Variants in NEDD9 observed in about 807,000 individuals in gnomAD.
NEDD9 encodes enhancer of filamentation 1.
NEDD9 carries 26 observed loss-of-function variants against 76.6 expected under a neutral mutation model. The observed-to-expected ratio is 0.34, with a 90% CI of 0.25 to 0.47. The LOEUF (loss-of-function observed/expected upper bound fraction) is 0.47, where lower values mean the gene tolerates loss of function less well. NEDD9 is among the 20% of genes least tolerant of loss of function. The probability of loss-of-function intolerance (pLI) is 1.00; values close to 1 mark genes in which losing one functional copy is unlikely to be tolerated. For synonymous variants in NEDD9, 392 were observed against 414.2 expected (o/e 0.95, Z 0.65); for missense variants, 937 against 1,058.5 (o/e 0.89, Z 1.59).
intron 3 of NEDD9, among the ~76,000 whole-genome samples, chr6:11,261,365 C>T (rs544798392): frequency 2.2e-4 from 34 of 152,264 alleles, no homozygotes; most frequent in Non-Finnish European, 4.1e-4. Context: ...TTCTGCAGAA[C>T]CACAATTAGA....
chr6:11,267,907 G>A (rs747564702), intron 3 of NEDD9, among the ~76,000 whole-genome samples: 3 of 152,014 alleles, frequency 2.0e-5, no homozygotes, highest in Non-Finnish European at 4.4e-5. Context: ...AAGTAAAAGG[G>A]GGCACCAAAC....
intron 2 of NEDD9, among the ~76,000 whole-genome samples, chr6:11,308,579 C>T (rs561063608): frequency 6.6e-6 from 1 of 152,096 alleles, no homozygotes; most frequent in East Asian, 1.9e-4. Flanking sequence ...TCGTGTTAGC[C>T]AGGATGGTCT....
intron 3 of NEDD9, among the ~76,000 whole-genome samples, chr6:11,269,254 T>C (rs1301908128): frequency 6.6e-6 from 1 of 152,242 alleles, no homozygotes; most frequent in Non-Finnish European, 1.5e-5. Context: ...TTCTCTGGTG[T>C]CTTAGGCTAT....
intron 3 of NEDD9, among the ~76,000 whole-genome samples, chr6:11,282,519 G>A (rs188893485): frequency 1.3e-5 from 2 of 152,308 alleles, no homozygotes; most frequent in Admixed American, 1.3e-4. Flanking sequence ...ATATCTCATA[G>A]ACAATGCCAA....
At chr6:11,311,604 C>T (rs1286168567) in intron 2 of NEDD9, among the ~76,000 whole-genome samples, 1 of 152,152 alleles carries the variant, frequency 6.6e-6, no homozygotes, top group East Asian at 1.9e-4. Flanking sequence ...AAAGGAGATA[C>T]AGGAGCACTT....
At chr6:11,328,989 T>C (rs1204607905) in intron 2 of NEDD9, 2 of 152,262 alleles carry the variant, frequency 1.3e-5, no homozygotes, top group Non-Finnish European at 2.9e-5. Context: ...GTTTGAGCCT[T>C]TTAAGTCTTC....
intron 2 of NEDD9, among the ~76,000 whole-genome samples, chr6:11,196,171 G>A (rs761234024): frequency 6.6e-6 from 1 of 151,164 alleles, no homozygotes; most frequent in Non-Finnish European, 1.5e-5. Context: ...AGGTGTGGTG[G>A]TGGGCGCCTG....
At position 11,318,014 on chromosome 6, in the gene NEDD9, G is replaced by A. The variant is rs147752474; in HGVS notation, c.-152-11859C>T. The stretch of plus-strand genomic sequence containing the variant: ...AAGAGAGAAATCCTCCTGCTTGGTC[G>A]TCTTTGAACTAGAACATTGGCTTTT... On this transcript the variant is annotated intron_variant, in intron 2 of 3. Transcript: ENST00000397378. Among the ~76,000 whole-genome samples, 75 of 152,320 alleles carry A rather than the reference G, an allele frequency of 4.9e-4. 1 individual carries two copies. The highest frequency in any genetic ancestry group is 1.7e-3 in the South Asian group (8 of 4,828).
intron 1 of NEDD9, among the ~76,000 whole-genome samples, chr6:11,216,090 A>G (rs1363298953): frequency 1.3e-5 from 2 of 152,196 alleles, no homozygotes; most frequent in African/African-American, 2.4e-5. Flanking sequence ...TCTTGGGGGA[A>G]ACTCTCAGAG....
rs770035932 is a variant in NEDD9, at chr6:11,190,816, G to A, written c.1053C>T (p.Asn351=). ...RDGVYDVPLH[N]PPDAKGSRDL... ...CCCGAGAGCCTTTAGCATCTGGCGG[G>A]TTATGCAGAGGGACATCATAAACAC... is the stretch of plus-strand genomic sequence containing the variant. The change falls in exon 5 of 7, where the codon AAC becomes AAT. Residue 351 remains asparagine, a synonymous_variant. Transcript: ENST00000379446. This position sits in a 1 kb window ranked among gnomAD's most constrained non-coding sequence, Gnocchi z 5.8. 2 of 1,614,168 alleles carry A rather than the reference G, an allele frequency of 1.2e-6. No homozygotes were observed. The highest frequency in any genetic ancestry group is 1.3e-5 in the African/African-American group (1 of 75,036).
intron 1 of NEDD9, among the ~76,000 whole-genome samples, chr6:11,346,938 C>G (rs1366519118): frequency 9.9e-5 from 15 of 152,120 alleles, no homozygotes; most frequent in Non-Finnish European, 2.2e-4. Context: ...CTCCTGTTAC[C>G]TGCTCCCCAA....
chr6:11,305,789 T>C (rs968720846), intron 3 of NEDD9: 3 of 609,662 alleles, frequency 4.9e-6, no homozygotes, highest in Non-Finnish European at 8.8e-6. Context: ...TAGGATGCCC[T>C]GTGGGCATCA....
At chr6:11,379,333 A>C (rs1010663872) in intron 1 of NEDD9, among the ~76,000 whole-genome samples, 37 of 152,176 alleles carry the variant, frequency 2.4e-4, no homozygotes, top group Non-Finnish European at 4.4e-4. Flanking sequence ...CATGCCTGTA[A>C]TCCCAGCACT....
intron 2 of NEDD9, among the ~76,000 whole-genome samples, chr6:11,312,892 A>G (rs541319424): frequency 1.3e-5 from 2 of 152,286 alleles, no homozygotes; most frequent in East Asian, 3.9e-4. Flanking sequence ...ATGTTTTTAA[A>G]AGAAAATCCC....
intron 3 of NEDD9, among the ~76,000 whole-genome samples, chr6:11,276,809 A>G (rs1760426065): frequency 6.6e-6 from 1 of 152,230 alleles, no homozygotes; most frequent in South Asian, 2.1e-4. Flanking sequence ...AATAGTGGCC[A>G]TTATTATAGC....
chr6:11,206,434 A>G (rs1022160658), intron 2 of NEDD9, among the ~76,000 whole-genome samples: 2 of 152,222 alleles, frequency 1.3e-5, no homozygotes, highest in African/African-American at 4.8e-5. Flanking sequence ...ATAAAAAAAA[A>G]GATGTGTTCA....
At chr6:11,367,066 C>T (rs559575947) in intron 1 of NEDD9, among the ~76,000 whole-genome samples, 1 of 147,748 alleles carries the variant, frequency 6.8e-6, no homozygotes, top group Non-Finnish European at 1.5e-5. Context: ...AGGAGGGTTA[C>T]CTCGAGAGGA....
intron 2 of NEDD9, among the ~76,000 whole-genome samples, chr6:11,326,350 C>T (rs1458821883): frequency 6.6e-6 from 1 of 152,162 alleles, no homozygotes; most frequent in Admixed American, 6.5e-5. Context: ...ACCAAAATTG[C>T]ATTCTGTGTT....
intron 1 of NEDD9, among the ~76,000 whole-genome samples, chr6:11,340,971 A>G (rs1393624739): frequency 1.3e-5 from 2 of 152,148 alleles, no homozygotes; most frequent in Non-Finnish European, 2.9e-5. Context: ...TCTCGTGCTC[A>G]GCCATGTTGC....
Sources: gnomAD v4.1 joint callset for allele counts (sites outside exome capture counted in the v4.1 genomes callset) on GRCh38, gnomAD v4.1.1 for gene constraint, Gnocchi (gnomAD v3.1) non-coding constraint, MANE v1.5 for transcripts, NCBI Gene and HGNC (gene_info 2026-07-23, HGNC 2026-07-21) for gene names.